NXPE2: variants seen among roughly 807,000 people sequenced by gnomAD.
The protein encoded by NXPE2 is NXPE family member 2.
A neutral mutation model predicts 34.4 loss-of-function variants in NXPE2; 34 were observed. That is an observed-to-expected ratio of 0.99 (90% confidence interval 0.75 to 1.31). The LOEUF is 1.31. NXPE2 is among the 40% of genes most tolerant of loss of function. NXPE2 has a pLI of 0.00. For missense variants in NXPE2, 649 were observed against 672.5 expected, an observed-to-expected ratio of 0.97 and a Z score of 0.39; for synonymous variants, 235 against 231.3, an observed-to-expected ratio of 1.02 and a Z score of -0.15.
At chr11:114,804,349 TATC>T in the NXPE2 span, among the ~76,000 whole-genome samples, 193 of 152,336 alleles carry the variant, frequency 1.3e-3, no homozygotes, top group African/African-American at 4.5e-3. Flanking sequence ...GAAACTGTGT[TATC>T]ATCTCCAGCT....
chr11:114,547,381 T>C, the NXPE2 span, among the ~76,000 whole-genome samples: 1 of 152,194 alleles, frequency 6.6e-6, no homozygotes, highest in Non-Finnish European at 1.5e-5. Flanking sequence ...ACCAGACCAC[T>C]GTTCCTTAAA....
At chr11:114,506,156 G>T in the NXPE2 span, among the ~76,000 whole-genome samples, 1 of 142,684 alleles carries the variant, frequency 7.0e-6, no homozygotes, top group African/African-American at 2.6e-5. Context: ...AAATGGTAAA[G>T]AGTTCAATTC....
At chr11:114,801,347 G>A in the NXPE2 span, among the ~76,000 whole-genome samples, 89 of 152,290 alleles carry the variant, frequency 5.8e-4, 1 homozygote, top group African/African-American at 1.9e-3. Flanking sequence ...GGGCAGAGAT[G>A]AGCAAATGCA....
At chr11:114,602,132 TAAC>T in the NXPE2 span, among the ~76,000 whole-genome samples, 1 of 102,866 alleles carries the variant, frequency 9.7e-6, no homozygotes, top group Non-Finnish European at 1.7e-5. Flanking sequence ...ATATTATACA[TAAC>T]ATATACTATA....
At chr11:114,565,081 A>C in the NXPE2 span, among the ~76,000 whole-genome samples, 1 of 152,262 alleles carries the variant, frequency 6.6e-6, no homozygotes, top group Non-Finnish European at 1.5e-5. Context: ...TACAGCGAAT[A>C]ACAGATGTCA....
the NXPE2 span, chr11:114,551,251 A>G: frequency 8.0e-6 from 11 of 1,366,920 alleles, no homozygotes; most frequent in Non-Finnish European, 1.1e-5. Flanking sequence ...TGAGAAGTGA[A>G]TCTCTCTGTA....
At chr11:114,644,047 T>C in the NXPE2 span, among the ~76,000 whole-genome samples, 3 of 149,788 alleles carry the variant, frequency 2.0e-5, no homozygotes, top group Non-Finnish European at 4.4e-5. Context: ...AGTTCACTAA[T>C]GTTTTGGCTC....
chr11:114,665,958 G>C, the NXPE2 span, among the ~76,000 whole-genome samples: 2 of 152,266 alleles, frequency 1.3e-5, no homozygotes, highest in Non-Finnish European at 1.5e-5. Context: ...CAAGTGAGGA[G>C]ACTGAGGTAG....
At chr11:114,761,059 C>T in the NXPE2 span, among the ~76,000 whole-genome samples, 2 of 152,178 alleles carry the variant, frequency 1.3e-5, no homozygotes, top group African/African-American at 4.8e-5. Context: ...CAGTTAGGGA[C>T]TCCTACGGTG....
chr11:114,525,486 GA>G, the NXPE2 span, among the ~76,000 whole-genome samples: 1 of 152,124 alleles, frequency 6.6e-6, no homozygotes, highest in African/African-American at 2.4e-5. Context: ...CCGGGTCCCA[GA>G]AGGGATGGGC....
At chr11:114,551,474 C>G in the NXPE2 span, 1 of 1,095,302 alleles carries the variant, frequency 9.1e-7, no homozygotes, top group Non-Finnish European at 1.1e-6. Flanking sequence ...CTTATAGGTT[C>G]TCTTAATGCC....
chr11:114,484,355 T>G, the NXPE2 span, among the ~76,000 whole-genome samples: 1 of 151,984 alleles, frequency 6.6e-6, no homozygotes, highest in Non-Finnish European at 1.5e-5. Flanking sequence ...GTTTGGGATG[T>G]GGGGGGGTAG....
chr11:114,667,100 G>T, the NXPE2 span, among the ~76,000 whole-genome samples: 1 of 152,090 alleles, frequency 6.6e-6, no homozygotes, highest in Non-Finnish European at 1.5e-5. Context: ...TAACTGTGCT[G>T]TGATGGCCAT....
chr11:114,585,594 C>CGTGT, the NXPE2 span, among the ~76,000 whole-genome samples: 259 of 150,886 alleles, frequency 1.7e-3, 1 homozygote, highest in African/African-American at 5.9e-3. Context: ...AATATATGTA[C>CGTGT]GTGTGTGTGT....
chr11:114,581,147 G>A, the NXPE2 span, among the ~76,000 whole-genome samples: 6 of 152,128 alleles, frequency 3.9e-5, no homozygotes, highest in South Asian at 2.1e-4. Flanking sequence ...TGCTGAACTT[G>A]CAGAGACATA....
the NXPE2 span, among the ~76,000 whole-genome samples, chr11:114,641,747 G>A: frequency 2.6e-5 from 4 of 152,042 alleles, no homozygotes; most frequent in Non-Finnish European, 4.4e-5. Context: ...AGTGGGCAAC[G>A]TTCTAGTACA....
chr11:114,724,377 C>A, the NXPE2 span, among the ~76,000 whole-genome samples: 201 of 152,272 alleles, frequency 1.3e-3, 1 homozygote, highest in Non-Finnish European at 2.3e-3. Context: ...CATGGGGCTG[C>A]AACATATTGA....
the NXPE2 span, among the ~76,000 whole-genome samples, chr11:114,538,338 C>T: frequency 8.7e-4 from 133 of 152,230 alleles, no homozygotes; most frequent in African/African-American, 3.0e-3. Flanking sequence ...AGAAGAAAAC[C>T]TAGGCAGTAC....
the NXPE2 span, among the ~76,000 whole-genome samples, chr11:114,724,890 GT>G: frequency 0.72 from 65,255 of 90,932 alleles, 23,859 homozygotes; most frequent in East Asian, 0.86. Context: ...TTCAGAAATG[GT>G]TTTTTTTTTT....
Sources: allele counts gnomAD v4.1 joint callset (sites outside exome capture counted in the v4.1 genomes callset), GRCh38; gene constraint gnomAD v4.1.1; transcripts MANE v1.5; gene names NCBI Gene and HGNC (gene_info 2026-07-23, HGNC 2026-07-21).